BABAM2: variants seen among roughly 807,000 people sequenced by gnomAD.
The protein encoded by BABAM2 is BRISC and BRCA1 A complex member 2, also known as BRISC and BRCA1-A complex member 2.
BABAM2 carries 31 observed loss-of-function variants against 54.7 expected under a neutral mutation model. That is an observed-to-expected ratio of 0.57 (90% CI 0.43 to 0.77). BABAM2 has a LOEUF of 0.77. BABAM2 is among the 30% of genes least tolerant of loss of function. The pLI, the probability that BABAM2 is intolerant of heterozygous loss-of-function variation, is 0.00. For missense variants in BABAM2, 364 were observed against 455.8 expected (o/e 0.80, Z 1.83); for synonymous variants, 167 against 162.9 (o/e 1.03, Z -0.19).
chr2:28,130,212 G>C (rs1486500146), intron 7 of BABAM2, among the ~76,000 whole-genome samples: 1 of 152,170 alleles, frequency 6.6e-6, no homozygotes, highest in African/African-American at 2.4e-5. Flanking sequence ...CTGTCTGTGA[G>C]TAGATGTGGT....
At chr2:28,101,329 C>T (rs534799996) in intron 6 of BABAM2, among the ~76,000 whole-genome samples, 3 of 152,040 alleles carry the variant, frequency 2.0e-5, no homozygotes, top group Admixed American at 6.6e-5. Context: ...TTATGGCTGC[C>T]GAACCTATGA....
At chr2:28,183,739 T>TCTCTCACACACACACACACACA (rs1553336494) in intron 7 of BABAM2, among the ~76,000 whole-genome samples, 3 of 133,124 alleles carry the variant, frequency 2.3e-5, no homozygotes, top group African/African-American at 8.1e-5. Flanking sequence ...TGGATGAAGA[T>TCTCTCACACACACACACACACA]CACACACACA....
intron 10 of BABAM2, among the ~76,000 whole-genome samples, chr2:28,297,402 C>T (rs1375806873): frequency 6.6e-6 from 1 of 152,140 alleles, no homozygotes; most frequent in African/African-American, 2.4e-5. Flanking sequence ...TGTTCCTATT[C>T]TTTGTCCTAG....
At chr2:28,086,954 G>A (rs1159879931) in intron 6 of BABAM2, among the ~76,000 whole-genome samples, 1 of 152,162 alleles carries the variant, frequency 6.6e-6, no homozygotes, top group African/African-American at 2.4e-5. Context: ...CCATACTTGA[G>A]CAATCTCCTA....
chr2:28,190,450 C>T (rs1187706683), intron 7 of BABAM2, among the ~76,000 whole-genome samples: 1 of 152,082 alleles, frequency 6.6e-6, no homozygotes, highest in Non-Finnish European at 1.5e-5. Context: ...ACTTTGGGAG[C>T]CCAAGGCAGG....
chr2:28,259,994 G>A (rs987032683), intron 10 of BABAM2, among the ~76,000 whole-genome samples: 13 of 151,316 alleles, frequency 8.6e-5, no homozygotes, highest in African/African-American at 1.9e-4. Context: ...TCTTCTTCCC[G>A]TATTCAAGTA....
At chr2:27,998,472 A>G (rs1371719562) in intron 4 of BABAM2, among the ~76,000 whole-genome samples, 1 of 151,660 alleles carries the variant, frequency 6.6e-6, no homozygotes, top group Non-Finnish European at 1.5e-5. Flanking sequence ...TACATTTTTC[A>G]GTTTTTTTTT....
At chr2:27,994,401 CTGTG>C (rs765700814) in intron 4 of BABAM2, among the ~76,000 whole-genome samples, 2 of 152,192 alleles carry the variant, frequency 1.3e-5, no homozygotes, top group East Asian at 3.9e-4. Context: ...GTAAACACAC[CTGTG>C]TAAGTAGCAC....
chr2:28,258,615 C>CTTTTCTTTTTTTTTTT (rs752905871), intron 10 of BABAM2, among the ~76,000 whole-genome samples: 2 of 100,010 alleles, frequency 2.0e-5, no homozygotes, highest in African/African-American at 7.4e-5. Context: ...TTTTTCTTTT[C>CTTTTCTTTTTTTTTTT]TTTTTTTTTT....
chr2:27,908,461 T>C (rs1246282550), intron 2 of BABAM2, among the ~76,000 whole-genome samples: 1 of 151,994 alleles, frequency 6.6e-6, no homozygotes, highest in East Asian at 1.9e-4. Context: ...TTTTTCGAAA[T>C]GGGGTTGCGC....
chr2:28,148,165 C>G (rs1449741774), intron 7 of BABAM2, among the ~76,000 whole-genome samples: 1 of 152,176 alleles, frequency 6.6e-6, no homozygotes, highest in Non-Finnish European at 1.5e-5. Flanking sequence ...TCTTGGAATA[C>G]TGTGTACCGC....
In BABAM2 at chr2:27,993,418, G is replaced by A. The variant is rs1009673416; in HGVS notation, c.300+5331G>A. 3.9e-5 allele frequency among the ~76,000 whole-genome samples: 6 copies of A among 152,196 alleles called. 1 individual carries two copies. The highest frequency in any genetic ancestry group is 3.9e-4 in the Admixed American group (6 of 15,282). On this transcript the variant is annotated intron_variant, in intron 4 of 11. Transcript: ENST00000379624. ...TTAAAAAGTAGAAAAAAAATTTAGA[G>A]AAATTTGGAGGGATAAAAATAAAAT...
intron 6 of BABAM2, among the ~76,000 whole-genome samples, chr2:28,090,696 A>G (rs1172732944): frequency 6.6e-6 from 1 of 152,174 alleles, no homozygotes; most frequent in Non-Finnish European, 1.5e-5. Context: ...ATTCTTTAAG[A>G]TAGAGATGTC....
intron 11 of BABAM2, among the ~76,000 whole-genome samples, chr2:28,299,492 C>T (rs1687945732): frequency 6.6e-6 from 1 of 152,184 alleles, no homozygotes; most frequent in Non-Finnish European, 1.5e-5. Flanking sequence ...ATATGCTTCA[C>T]ACCTGTGATC....
Position 28,160,318 on chromosome 2 carries a change from G to A in BABAM2, c.680+30938G>A, listed in dbSNP as rs574869099. ...TAGTATATTCTTTTTAGCTGGGCCC[G>A]TGCATGGAGCTTAGTGTATGGTTAT... On this transcript the variant is annotated intron_variant, in intron 7 of 11. Coordinates refer to ENST00000379624, the MANE Select transcript of BABAM2 (RefSeq NM_199191.3). Among the ~76,000 whole-genome samples, 10 of 152,252 alleles carry A rather than the reference G, an allele frequency of 6.6e-5. No homozygotes were observed. The South Asian group carries it at 1.7e-3, about 25-fold the overall frequency.
chr2:28,053,827 A>G (rs1051660874), intron 6 of BABAM2, among the ~76,000 whole-genome samples: 1 of 152,174 alleles, frequency 6.6e-6, no homozygotes, highest in African/African-American at 2.4e-5. Flanking sequence ...CTTTCATAGC[A>G]TGAAAGCAGC....
intron 4 of BABAM2, among the ~76,000 whole-genome samples, chr2:27,998,780 C>A (rs369266120): frequency 6.6e-6 from 1 of 152,066 alleles, no homozygotes; most frequent in Non-Finnish European, 1.5e-5. Flanking sequence ...GCTATTAATT[C>A]GTTATTTTAA....
intron 6 of BABAM2, among the ~76,000 whole-genome samples, chr2:28,121,610 T>C (rs1669074643): frequency 6.6e-6 from 1 of 152,208 alleles, no homozygotes; most frequent in South Asian, 2.1e-4. Context: ...AGGCCACTGC[T>C]GATTCTCCAT....
chr2:28,147,883 T>C (rs1325307583), intron 7 of BABAM2, among the ~76,000 whole-genome samples: 1 of 152,184 alleles, frequency 6.6e-6, no homozygotes, highest in Non-Finnish European at 1.5e-5. Flanking sequence ...GCATCCATGG[T>C]CCTTGCCTGC....
Sources: allele counts gnomAD v4.1 joint callset (sites outside exome capture counted in the v4.1 genomes callset), GRCh38; gene constraint gnomAD v4.1.1; transcripts MANE v1.5; gene names NCBI Gene and HGNC (gene_info 2026-07-23, HGNC 2026-07-21).